Variants in INSR observed in about 807,000 individuals in gnomAD.
The protein encoded by INSR is insulin receptor.
A neutral mutation model predicts 142.6 loss-of-function variants in INSR; 67 were observed. That is an observed-to-expected ratio of 0.47 (90% CI 0.39 to 0.58). The LOEUF is 0.58. Among genes scored for constraint, INSR ranks in the 20% least tolerant of loss-of-function variants. The pLI, the probability that INSR is intolerant of heterozygous loss-of-function variation, is 0.00. For missense variants in INSR, 1,248 were observed against 1,833.2 expected, an observed-to-expected ratio of 0.68 and a Z score of 5.83; for synonymous variants, 756 against 743.1, an observed-to-expected ratio of 1.02 and a Z score of -0.28.
chr19:7,218,160 A>AC (rs954373635), intron 2 of INSR, among the ~76,000 whole-genome samples: 4 of 150,178 alleles, frequency 2.7e-5, no homozygotes, highest in African/African-American at 7.4e-5. Context: ...AGAAATTCTG[A>AC]CCCCCCGGGG....
intron 2 of INSR, among the ~76,000 whole-genome samples, chr19:7,251,155 CA>C (rs1270295164): frequency 6.6e-6 from 1 of 151,672 alleles, no homozygotes; most frequent in Admixed American, 6.6e-5. Flanking sequence ...TTGTGACAAC[CA>C]AAAAATATCT....
At chr19:7,149,714 C>G (rs1229929327) in intron 11 of INSR, among the ~76,000 whole-genome samples, 1 of 151,684 alleles carries the variant, frequency 6.6e-6, no homozygotes, top group Non-Finnish European at 1.5e-5. Flanking sequence ...CCCAGCTACT[C>G]AGGAGGCTGA....
intron 2 of INSR, among the ~76,000 whole-genome samples, chr19:7,233,777 G>C (rs1348128079): frequency 7.4e-6 from 1 of 135,290 alleles, no homozygotes; most frequent in Non-Finnish European, 1.5e-5. Context: ...CTGGGTTCAC[G>C]CCATTCTCCT....
intron 3 of INSR, among the ~76,000 whole-genome samples, chr19:7,176,839 T>C (rs574417854): frequency 1.7e-4 from 26 of 152,160 alleles, no homozygotes; most frequent in Non-Finnish European, 2.2e-4. Flanking sequence ...AATGGACTAA[T>C]GCATGTGGTA....
chr19:7,254,854 G>A lies in INSR; in HGVS notation c.652+12491C>T, dbSNP rs1976840043. Among the ~76,000 whole-genome samples, 4 of 152,134 alleles carry A rather than the reference G, an allele frequency of 2.6e-5. No homozygotes were observed. The South Asian group carries it at 8.3e-4, about 31-fold the overall frequency. On this transcript the variant is annotated intron_variant, in intron 2 of 21. Coordinates refer to ENST00000302850, the MANE Select transcript of INSR (RefSeq NM_000208.4). ...ACCGGTCAGTGAGTATCAGGTAGGA[G>A]GAAGGAAAAGAAAAACTTGTCAGGC...
Position 7,225,705 on chromosome 19 carries a change from C to CG in INSR, c.653-41069_653-41068insC, listed in dbSNP as rs927488747. 2.8e-4 allele frequency among the ~76,000 whole-genome samples: 37 copies of CG among 131,106 alleles called. No individual in the cohort carries two copies. The highest frequency in any genetic ancestry group is 2.7e-3 in the South Asian group (10 of 3,732). 86.0% of individuals were successfully genotyped at this position (131,106 alleles called of 152,430 possible). A position where few individuals can be genotyped will look rare whatever the true frequency, so the allele number is the denominator to read the frequency against. Reference sequence around the variant, plus strand: ...TGGGCTCTTGGTTTCCATTTCCCCCCCCTCAAAAAAAGAGCAGAGAATAAT... The same window carrying CG: ...TGGGCTCTTGGTTTCCATTTCCCCCCGCCTCAAAAAAAGAGCAGAGAATAAT... On this transcript the variant is annotated intron_variant, in intron 2 of 21. Transcript: ENST00000302850. This position sits in a 1 kb window ranked among gnomAD's most constrained non-coding sequence, Gnocchi z 4.7.
intron 2 of INSR, among the ~76,000 whole-genome samples, chr19:7,213,077 G>A (rs2145078199): frequency 6.6e-6 from 1 of 152,136 alleles, no homozygotes; most frequent in Non-Finnish European, 1.5e-5. Context: ...CGGGCGCGGT[G>A]GCTCACGCCT....
intron 13 of INSR, among the ~76,000 whole-genome samples, chr19:7,135,842 C>T (rs1445034624): frequency 6.6e-6 from 1 of 151,730 alleles, no homozygotes; most frequent in Non-Finnish European, 1.5e-5. Flanking sequence ...GTCGTGGGTT[C>T]CTGTAGTCCC....
chr19:7,124,677 G>A (rs544578695), intron 17 of INSR, among the ~76,000 whole-genome samples: 13 of 124,264 alleles, frequency 1.0e-4, no homozygotes, highest in East Asian at 4.9e-4. Context: ...GTCTGTCTCC[G>A]CCTGCTGTTT....
intron 13 of INSR, among the ~76,000 whole-genome samples, chr19:7,134,255 C>G (rs11672739): frequency 6.6e-6 from 1 of 152,080 alleles, no homozygotes; most frequent in African/African-American, 2.4e-5. Flanking sequence ...CTTAAGACCA[C>G]TGCAGAATAT....
At chr19:7,211,073 G>T (rs967703736) in intron 2 of INSR, among the ~76,000 whole-genome samples, 1 of 151,984 alleles carries the variant, frequency 6.6e-6, no homozygotes, top group Non-Finnish European at 1.5e-5. Context: ...CTTGTTAGTT[G>T]GCTGGTTTGT....
intron 2 of INSR, among the ~76,000 whole-genome samples, chr19:7,195,548 A>G (rs1447334390): frequency 1.3e-5 from 2 of 152,126 alleles, no homozygotes; most frequent in African/African-American, 4.8e-5. Flanking sequence ...GGGCTGAGGC[A>G]GGAGAATCAC....
chr19:7,169,576 CAAAAA>C lies in INSR; in HGVS notation c.1483+956_1483+960del, dbSNP rs74174872. Among the ~76,000 whole-genome samples, 151 of 94,786 alleles carry C rather than the reference CAAAAA, an allele frequency of 1.6e-3. 2 individuals carry two copies. Among genetic ancestry groups the C allele is most frequent in the African/African-American group, 4.0e-3 (111 of 27,520 alleles). 62.2% of individuals were successfully genotyped at this position (94,786 alleles called of 152,430 possible). On this transcript the variant is annotated intron_variant, in intron 6 of 21. Coordinates refer to ENST00000302850, the MANE Select transcript of INSR (RefSeq NM_000208.4). ...TGGGTGACAGAGCAAGACTCTGTCCCAAAAAAAAAAAAAAAAAAAAAAGAAGCTCT... is the reference window on the plus strand; with the variant it reads ...TGGGTGACAGAGCAAGACTCTGTCCCAAAAAAAAAAAAAAAAAGAAGCTCT...
chr19:7,174,771 G>A (rs773130450), intron 3 of INSR, 40 bp from the exon 4 acceptor site: 4 of 1,598,640 alleles, frequency 2.5e-6, no homozygotes, highest in African/African-American at 2.7e-5. Context: ...AGAAAGGGGA[G>A]GGGGGTGTCA....
intron 2 of INSR, among the ~76,000 whole-genome samples, chr19:7,256,751 A>C (rs1242301554): frequency 3.9e-5 from 6 of 152,150 alleles, no homozygotes; most frequent in Non-Finnish European, 7.4e-5. Flanking sequence ...AAGAAAAAAA[A>C]ATGCCAATCA....
intron 2 of INSR, among the ~76,000 whole-genome samples, chr19:7,226,125 C>T (rs913603394): frequency 6.6e-6 from 1 of 152,152 alleles, no homozygotes; most frequent in African/African-American, 2.4e-5. Flanking sequence ...GTCTGAGGAT[C>T]GGCCTAGTGT....
intron 9 of INSR, among the ~76,000 whole-genome samples, chr19:7,162,761 G>A (rs989459734): frequency 2.7e-5 from 4 of 146,728 alleles, no homozygotes; most frequent in African/African-American, 5.1e-5. Flanking sequence ...TGGAGGTTGC[G>A]ATGAGCCAAG....
chr19:7,243,504 C>T (rs1329275490), intron 2 of INSR, among the ~76,000 whole-genome samples: 1 of 152,040 alleles, frequency 6.6e-6, no homozygotes, highest in Non-Finnish European at 1.5e-5. Context: ...CCTCAGCCTC[C>T]CAAAGTGCTG....
At chr19:7,127,284 G>A (rs747446052) in intron 15 of INSR, among the ~76,000 whole-genome samples, 4 of 152,086 alleles carry the variant, frequency 2.6e-5, no homozygotes, top group East Asian at 1.9e-4. Context: ...AGCTCATCCC[G>A]ACTGATGAGA....
Sources: gnomAD v4.1 joint callset for allele counts (sites outside exome capture counted in the v4.1 genomes callset) on GRCh38, gnomAD v4.1.1 for gene constraint, Gnocchi (gnomAD v3.1) non-coding constraint, MANE v1.5 for transcripts, NCBI Gene and HGNC (gene_info 2026-07-23, HGNC 2026-07-21) for gene names.